The following ABCA9 variants were observed in gnomAD, a reference collection of about 807,000 sequenced individuals.
The protein encoded by ABCA9 is ATP-binding cassette sub-family A member 9.
ABCA9 carries 183 observed loss-of-function variants against 205.3 expected under a neutral mutation model. The observed-to-expected ratio is 0.89, with a 90% confidence interval of 0.79 to 1.01. ABCA9 has a LOEUF of 1.01. Among genes scored for constraint, ABCA9 ranks in the 50% least tolerant of loss-of-function variants. The probability of loss-of-function intolerance (pLI) is 0.00; values close to 1 mark genes in which losing one functional copy is unlikely to be tolerated. For synonymous variants in ABCA9, 651 were observed against 683.3 expected (o/e 0.95, Z 0.74); for missense variants, 1,805 against 1,912.4 (o/e 0.94, Z 1.05).
intron 27 of ABCA9, 192 bp downstream of exon 27, chr17:68,992,824 A>G (rs933357924): frequency 9.0e-6 from 3 of 333,614 alleles, no homozygotes; most frequent in African/African-American, 3.2e-5. Context: ...AAAAAAAAAA[A>G]AGGGGGGGGG....
At chr17:68,992,880 T>A in intron 27 of ABCA9, 136 bp downstream of exon 27, 1 of 618,122 alleles carries the variant, frequency 1.6e-6, no homozygotes, top group Non-Finnish European at 2.9e-6. Context: ...CACGCATGCA[T>A]GCATGTGCAT....
chr17:68,984,116 T>C lies in ABCA9; in HGVS notation c.4439A>G (p.Tyr1480Cys). Reference sequence around the variant, plus strand: ...ACACACCGCCTCAGCCTCTGCCATGTAGTGGGTGGTCAGGAGGGCGCCCCT... The same window carrying C: ...ACACACCGCCTCAGCCTCTGCCATGCAGTGGGTGGTCAGGAGGGCGCCCCT... ...TERGALLTTH[Y>C]MAEAEAVCDR... The change falls in exon 35 of 39, where the codon TAC (tyrosine) becomes TGC (cysteine). Residue 1480 changes from tyrosine to cysteine, a missense_variant. Physicochemically the swap from Tyr to Cys is radical, Grantham distance 194. Transcript: ENST00000340001. 1 of 1,614,132 alleles carries C rather than the reference T, an allele frequency of 6.2e-7. No individual in the cohort carries two copies. Among genetic ancestry groups the C allele is most frequent in the Admixed American group, 1.7e-5 (1 of 60,018 alleles).
intron 2 of ABCA9, among the ~76,000 whole-genome samples, chr17:69,049,937 C>A (rs1232089644): frequency 6.6e-6 from 1 of 151,818 alleles, no homozygotes; most frequent in African/African-American, 2.4e-5. Context: ...AAATGTTGCT[C>A]ATAAAAAAAC....
intron 1 of ABCA9, among the ~76,000 whole-genome samples, chr17:69,052,905 G>A (rs2071953993): frequency 6.6e-6 from 1 of 152,120 alleles, no homozygotes; most frequent in Admixed American, 6.6e-5. Context: ...CAGTCTAATT[G>A]CAATTACCAG....
chr17:68,976,205 G>A lies in ABCA9; in HGVS notation c.4721-15C>T, dbSNP rs183165331. The A allele has an allele frequency of 9.4e-4, 1,520 of 1,609,716 alleles. 1 individual carries two copies. The highest frequency in any genetic ancestry group is 1.3e-3 in the Middle Eastern group (8 of 6,034). The stretch of plus-strand genomic sequence containing the variant: ...ACTCTGTTTAACTGCATAAGAATGA[G>A]CATACATTAGGAATTCTATTTTTTT... On this transcript the variant is annotated splice_polypyrimidine_tract_variant and intron_variant, in intron 37 of 38. Transcript: ENST00000340001.
rs2069605255 is a variant in ABCA9 at position 68,995,931 on chromosome 17, G to A, written c.3519C>T (p.Pro1173=). ...GLFFGTMLIP[P]FTLIGSLFIF... ...TGAATAGAGAGCCAATCAATGTGAA[G>A]GGAGGTATTAACATGGTGCCAAAAA... The change falls in exon 26 of 39, where the codon CCC becomes CCT. Residue 1173 remains proline, a synonymous_variant. Transcript: ENST00000340001. The A allele has an allele frequency of 6.2e-7, 1 of 1,613,628 alleles. No individual in the cohort carries two copies. Among genetic ancestry groups the A allele is most frequent in the South Asian group, 1.1e-5 (1 of 91,082 alleles).
chr17:68,985,245 C>A, intron 32 of ABCA9, 117 bp from the exon 33 acceptor site: 1 of 1,359,282 alleles, frequency 7.4e-7, no homozygotes, highest in South Asian at 1.2e-5. Context: ...TCAGAGTGGT[C>A]ATAAAATTTA....
chr17:68,993,510 A>G (rs1305072625), intron 26 of ABCA9, among the ~76,000 whole-genome samples: 3 of 152,224 alleles, frequency 2.0e-5, no homozygotes, highest in Non-Finnish European at 4.4e-5. Context: ...TTTGAGAGTA[A>G]TTATGACAAT....
At chr17:69,065,133 C>T (rs559689645), upstream of ABCA9, among the ~76,000 whole-genome samples, 43 of 152,008 alleles carry the variant, frequency 2.8e-4, no homozygotes, top group Admixed American at 2.8e-3. Flanking sequence ...TGACAGTGTG[C>T]TCAGGTATAG....
intron 25 of ABCA9, among the ~76,000 whole-genome samples, chr17:69,005,077 G>A (rs865980420): frequency 3.9e-5 from 6 of 152,132 alleles, no homozygotes; most frequent in Non-Finnish European, 8.8e-5. Context: ...GAAATCACCC[G>A]TCTTCTGCGT....
chr17:69,077,268 C>CA, the ABCA9 span, among the ~76,000 whole-genome samples: 1 of 152,056 alleles, frequency 6.6e-6, no homozygotes, highest in South Asian at 2.1e-4. Flanking sequence ...TCATCATACC[C>CA]AAAAGTCATT....
the ABCA9 span, among the ~76,000 whole-genome samples, chr17:69,066,243 A>G: frequency 6.6e-6 from 1 of 152,214 alleles, no homozygotes; most frequent in African/African-American, 2.4e-5. Flanking sequence ...CATAGATTGT[A>G]AACAACTGAA....
intron 14 of ABCA9, 86 bp downstream of exon 14, chr17:69,027,244 C>A: frequency 6.4e-7 from 1 of 1,561,608 alleles, no homozygotes; most frequent in Non-Finnish European, 8.7e-7. Flanking sequence ...AGTTCTCTTA[C>A]ATTTATCATT....
chr17:68,989,256 TCACACACACACACACACACACA>T (rs71293542), intron 30 of ABCA9, 138 bp from the exon 31 acceptor site: 3 of 241,064 alleles, frequency 1.2e-5, no homozygotes, highest in Non-Finnish European at 8.3e-6. Flanking sequence ...TCTCTCTCTC[TCACACACACACACACACACACA>T]CACACACACA....
chr17:68,995,926 G>A lies in ABCA9; in HGVS notation c.3524C>T (p.Thr1175Ile). 6.2e-7 allele frequency: 1 copy of A among 1,613,798 alleles called. No individual in the cohort carries two copies. The highest frequency in any genetic ancestry group is 8.5e-7 in the Non-Finnish European group (1 of 1,179,932). ...FFGTMLIPPF[T>I]LIGSLFIFSE... is the part of the protein sequence containing the mutation. The stretch of plus-strand genomic sequence containing the variant: ...AAAAATGAATAGAGAGCCAATCAAT[G>A]TGAAGGGAGGTATTAACATGGTGCC... Residue 1175 changes from threonine to isoleucine, a missense_variant, in exon 26 of 39, where the codon ACA (threonine) becomes ATA (isoleucine). Coordinates refer to ENST00000340001, the MANE Select transcript of ABCA9 (RefSeq NM_080283.4).
upstream of ABCA9, among the ~76,000 whole-genome samples, chr17:69,064,055 G>A (rs2072316890): frequency 6.6e-6 from 1 of 152,100 alleles, no homozygotes; most frequent in Non-Finnish European, 1.5e-5. Context: ...TAGTATAATT[G>A]CATTTCTCTT....
the ABCA9 span, among the ~76,000 whole-genome samples, chr17:69,068,120 C>T: frequency 6.6e-6 from 1 of 152,190 alleles, no homozygotes; most frequent in Non-Finnish European, 1.5e-5. Flanking sequence ...TTTACTGTTA[C>T]ATAGGAATCT....
In ABCA9 at chr17:68,986,257, G is replaced by A. The variant is rs778683579; in HGVS notation, c.4115C>T (p.Ala1372Val). Residue 1372 changes from alanine (A) to valine (V), a missense_variant, in exon 32 of 39, where the codon GCG becomes GTG. Coordinates refer to ENST00000340001, the MANE Select transcript of ABCA9 (RefSeq NM_080283.4). ...GFLGYCPQEN[A>V]LWPNLTVRQH... ...CCTCACTGTCAGGTTGGGCCACAGC[G>A]CATTCTCCTGAGGGCAGTACCCCAG... is the stretch of plus-strand genomic sequence containing the variant. The A allele has an allele frequency of 1.4e-5, 22 of 1,613,798 alleles. No individual in the cohort carries two copies. Among genetic ancestry groups the A allele is most frequent in the East Asian group, 6.7e-5 (3 of 44,870 alleles).
At chr17:69,055,195 A>G (rs1338349834) in intron 1 of ABCA9, among the ~76,000 whole-genome samples, 1 of 152,202 alleles carries the variant, frequency 6.6e-6, no homozygotes, top group Non-Finnish European at 1.5e-5. Flanking sequence ...TGCACCAATT[A>G]AAAGACAGAG....
Sources: gnomAD v4.1 joint callset for allele counts (sites outside exome capture counted in the v4.1 genomes callset) on GRCh38, gnomAD v4.1.1 for gene constraint, MANE v1.5 for transcripts, NCBI Gene and HGNC (gene_info 2026-07-23, HGNC 2026-07-21) for gene names.